SERINC5: variants seen among roughly 807,000 people sequenced by gnomAD.
The protein encoded by SERINC5 is serine incorporator 5.
Under a neutral mutation model 63.1 loss-of-function variants are expected in SERINC5, and 41 were observed. The ratio of observed to expected loss-of-function variants is 0.65; its 90% CI spans 0.51 to 0.84. The LOEUF (loss-of-function observed/expected upper bound fraction) is 0.84, where lower values mean the gene tolerates loss of function less well. SERINC5 is among the 40% of genes least tolerant of loss of function. The pLI is 0.00. For missense variants in SERINC5, 523 were observed against 573.0 expected (o/e 0.91, Z 0.89); for synonymous variants, 222 against 215.2 (o/e 1.03, Z -0.28).
chr5:80,242,944 T>C (rs1752011117), intron 1 of SERINC5, among the ~76,000 whole-genome samples: 1 of 152,156 alleles, frequency 6.6e-6, no homozygotes, highest in Non-Finnish European at 1.5e-5. Context: ...CATTGTTACA[T>C]TTCTTCCCTG....
At chr5:80,143,949 C>T in intron 11 of SERINC5, 139 bp from the exon 12 acceptor site, 1 of 1,015,478 alleles carries the variant, frequency 9.8e-7, no homozygotes, top group East Asian at 2.6e-5. Context: ...ATCAACACTA[C>T]CCATTTCCAA....
intron 1 of SERINC5, among the ~76,000 whole-genome samples, chr5:80,219,874 GTATTGGC>G (rs1750822164): frequency 6.6e-6 from 1 of 151,832 alleles, no homozygotes; most frequent in Admixed American, 6.6e-5. Context: ...TTCATTCAGG[GTATTGGC>G]TACACACAAC....
At chr5:80,169,647 T>C (rs1747524181) in intron 5 of SERINC5, 101 bp from the exon 6 acceptor site, 6 of 860,308 alleles carry the variant, frequency 7.0e-6, no homozygotes, top group Non-Finnish European at 9.3e-6. Flanking sequence ...CAGTAACTAA[T>C]GCTACAGGCC....
intron 6 of SERINC5, 72 bp from the exon 7 acceptor site, chr5:80,166,550 AT>A: frequency 1.0e-6 from 1 of 956,314 alleles, no homozygotes; most frequent in Non-Finnish European, 1.6e-6. Flanking sequence ...AAAAAACCTG[AT>A]AGTCCCCATG....
intron 2 of SERINC5, among the ~76,000 whole-genome samples, chr5:80,178,630 T>C (rs1748211283): frequency 6.7e-6 from 1 of 148,764 alleles, no homozygotes; most frequent in Admixed American, 6.8e-5. Context: ...TCCACCTGTC[T>C]TCGCATCCCA....
chr5:80,152,492 A>C, intron 8 of SERINC5, among the ~76,000 whole-genome samples: 1 of 95,966 alleles, frequency 1.0e-5, no homozygotes, highest in Admixed American at 1.0e-4. Context: ...ACCCTGTCTC[A>C]AAAAAAAAAA....
rs1396729608 is a variant in SERINC5, at chr5:80,143,726, C to G, written c.1323G>C (p.Val441=). ...WVKMASCWIC[V]LLYLCTLVAP... ...CGACCAGCGTACACAGGTACAACAGCACGCATATCCAGCAGGAGGCCATCT... is the reference window on the plus strand; with the variant it reads ...CGACCAGCGTACACAGGTACAACAGGACGCATATCCAGCAGGAGGCCATCT... Residue 441 remains valine (V), a synonymous_variant, in exon 12 of 12, where the codon GTG becomes GTC. Coordinates refer to ENST00000507668, the MANE Select transcript of SERINC5 (RefSeq NM_001174072.3). 1 of 1,536,164 alleles carries G rather than the reference C, an allele frequency of 6.5e-7. No individual in the cohort carries two copies. The highest frequency in any genetic ancestry group is 2.0e-5 in the Admixed American group (1 of 50,998).
At chr5:80,158,734 C>A (rs1300106116) in intron 8 of SERINC5, 102 bp downstream of exon 8, 1 of 1,147,724 alleles carries the variant, frequency 8.7e-7, no homozygotes, top group Non-Finnish European at 1.2e-6. Context: ...TTTCCCCCCT[C>A]CTCAAATGGT....
At position 80,143,504 on chromosome 5, in the gene SERINC5, A is replaced by T; in HGVS notation, c.*159T>A. 7.4e-7 allele frequency: 1 copy of T among 1,356,260 alleles called. No homozygotes were observed. The highest frequency in any genetic ancestry group is 1.5e-5 in the African/African-American group (1 of 68,126). The allele number at this position is 1,356,260 out of a possible 1,614,324, so 84.0% of individuals were successfully genotyped here. A position where few individuals can be genotyped will look rare whatever the true frequency, so the allele number is the denominator to read the frequency against. ...AACTGGTAGTTTCTTTTTGAATTTC[A>T]AAAGTAAAAAGCTAATCAGGAGATT... On this transcript the variant is annotated 3_prime_UTR_variant, in exon 12 of 12. Transcript: ENST00000507668.
In SERINC5 at chr5:80,143,768, C is replaced by G. The variant is rs1245315203; in HGVS notation, c.1281G>C (p.Trp427Cys). Reference sequence around the variant, plus strand: ...AGGCCATCTTGACCCAGAAGATGGACCAGCTCCCGCTGAAGAAGCTCTCGA... The same window carrying G: ...AGGCCATCTTGACCCAGAAGATGGAGCAGCTCCCGCTGAAGAAGCTCTCGA... ...ANIESFFSGS[W>C]SIFWVKMASC... Residue 427 changes from tryptophan (W) to cysteine (C), a missense_variant, in exon 12 of 12, where the codon TGG becomes TGC. Physicochemically the swap from Trp to Cys is radical, Grantham distance 215. Coordinates refer to ENST00000507668, the MANE Select transcript of SERINC5 (RefSeq NM_001174072.3). 1 of 1,536,000 alleles carries G rather than the reference C, an allele frequency of 6.5e-7. No homozygotes were observed. Among genetic ancestry groups the G allele is most frequent in the African/African-American group, 1.4e-5 (1 of 73,042 alleles).
chr5:80,141,102 A>G lies in SERINC5; in HGVS notation c.*2561T>C, dbSNP rs1745479291. 1 of 985,310 alleles carries G rather than the reference A, an allele frequency of 1.0e-6. No individual in the cohort carries two copies. The allele number at this position is 985,310 out of a possible 1,614,324, so 61.0% of individuals were successfully genotyped here. A position where few individuals can be genotyped will look rare whatever the true frequency, so the allele number is the denominator to read the frequency against. ...TGAGTATTGTATATCACAATTAATA[A>G]CCATTAACATTAACTCTGCATTGAT... On this transcript the variant is annotated 3_prime_UTR_variant, in exon 12 of 12. Coordinates refer to ENST00000507668, the MANE Select transcript of SERINC5 (RefSeq NM_001174072.3).
chr5:80,198,663 G>A lies in SERINC5; in HGVS notation c.195+4223C>T, dbSNP rs183521795. 632 of 985,394 alleles carry A rather than the reference G, an allele frequency of 6.4e-4. 3 individuals are homozygous for A. In the African/African-American group the frequency reaches 9.3e-3, roughly 15 times the overall value. The allele number at this position is 985,394 out of a possible 1,614,324, so 61.0% of individuals were successfully genotyped here. A position where few individuals can be genotyped will look rare whatever the true frequency, so the allele number is the denominator to read the frequency against. ...GGACTCCAGCAGGAGCCCAGTGTGC[G>A]TCCCTACAAGGGGACCTTTCAACAC... is the stretch of plus-strand genomic sequence containing the variant. On this transcript the variant is annotated intron_variant, in intron 2 of 11. Coordinates refer to ENST00000507668, the MANE Select transcript of SERINC5 (RefSeq NM_001174072.3).
chr5:80,206,572 A>G (rs546405514), intron 1 of SERINC5, among the ~76,000 whole-genome samples: 4 of 152,200 alleles, frequency 2.6e-5, no homozygotes. Flanking sequence ...TCGGGCTGAG[A>G]TAAGAGAATA....
At chr5:80,155,416 T>C (rs1167669169) in intron 8 of SERINC5, among the ~76,000 whole-genome samples, 19 of 152,104 alleles carry the variant, frequency 1.2e-4, no homozygotes, top group Admixed American at 1.2e-3. Context: ...AATACAAAAA[T>C]TAGCCGGGCA....
chr5:80,236,573 G>T (rs1018770612), intron 1 of SERINC5, among the ~76,000 whole-genome samples: 1 of 149,608 alleles, frequency 6.7e-6, no homozygotes, highest in African/African-American at 2.5e-5. Flanking sequence ...CTGTTGTCCA[G>T]GCTAGAGTGC....
chr5:80,161,723 C>G (rs1424736038), intron 7 of SERINC5, among the ~76,000 whole-genome samples: 1 of 152,082 alleles, frequency 6.6e-6, no homozygotes, highest in Non-Finnish European at 1.5e-5. Flanking sequence ...TTCCATTTGT[C>G]TGGTTTTGTT....
chr5:80,210,852 A>T (rs1339604429), intron 1 of SERINC5, among the ~76,000 whole-genome samples: 1 of 152,100 alleles, frequency 6.6e-6, no homozygotes, highest in African/African-American at 2.4e-5. Flanking sequence ...CAGGTAGATG[A>T]CGGGTGGTAG....
Position 80,139,972 on chromosome 5 carries a change from T to C in SERINC5, c.*3691A>G, listed in dbSNP as rs899724517. The C allele has an allele frequency of 6.1e-6, 6 of 985,272 alleles. No homozygotes were observed. The South Asian group carries it at 1.9e-4, about 31-fold the overall frequency. The allele number at this position is 985,272 out of a possible 1,614,324, so 61.0% of individuals were successfully genotyped here. ...GGTAGCTTAAATACAGGCTCTGGAA[T>C]TTCCTTCGCAGGAAGGTGAAGCACC... On this transcript the variant is annotated 3_prime_UTR_variant, in exon 12 of 12. Coordinates refer to ENST00000507668, the MANE Select transcript of SERINC5 (RefSeq NM_001174072.3).
chr5:80,177,481 T>C, intron 3 of SERINC5, 84 bp from the exon 4 acceptor site: 1 of 1,066,378 alleles, frequency 9.4e-7, no homozygotes, highest in Non-Finnish European at 1.4e-6. Flanking sequence ...GTACAGCATG[T>C]CAATCCATGA....
Sources: allele counts gnomAD v4.1 joint callset (sites outside exome capture counted in the v4.1 genomes callset), GRCh38; gene constraint gnomAD v4.1.1; transcripts MANE v1.5; gene names NCBI Gene and HGNC (gene_info 2026-07-23, HGNC 2026-07-21).